FER: variants seen among roughly 807,000 people sequenced by gnomAD.
FER encodes FER tyrosine kinase, also known as tyrosine-protein kinase Fer.
A neutral mutation model predicts 111.0 loss-of-function variants in FER; 63 were observed. That is an observed-to-expected ratio of 0.57 (90% CI 0.46 to 0.70). FER has a LOEUF of 0.70. FER is among the 30% of genes least tolerant of loss of function. The probability of loss-of-function intolerance (pLI) is 0.00; values close to 1 mark genes in which losing one functional copy is unlikely to be tolerated. For synonymous variants in FER, 327 were observed against 313.9 expected, an observed-to-expected ratio of 1.04 and a Z score of -0.44; for missense variants, 914 against 954.0, an observed-to-expected ratio of 0.96 and a Z score of 0.55.
At chr5:109,033,907 GAT>G (rs931140905) in intron 13 of FER, among the ~76,000 whole-genome samples, 55 of 152,088 alleles carry the variant, frequency 3.6e-4, no homozygotes, top group African/African-American at 1.2e-3. Flanking sequence ...GTGATGTTTT[GAT>G]ATATGTATAT....
At chr5:109,165,861 T>A (rs2126769022) in intron 17 of FER, among the ~76,000 whole-genome samples, 1 of 152,268 alleles carries the variant, frequency 6.6e-6, no homozygotes, top group South Asian at 2.1e-4. Context: ...AAAGGCAATT[T>A]GTGTGCAGCC....
rs1759774189 is a variant in FER at position 109,196,775 on chromosome 5, A to G, written c.*9200A>G. ...TCTTTTCTTTTCCAATAGACCAGTT[A>G]CCACTCATGTGTCTGCAGAACCTCT... On this transcript the variant is annotated 3_prime_UTR_variant, in exon 20 of 20. Transcript: ENST00000281092. 6.6e-6 allele frequency: 1 copy of G among 152,170 alleles called. No homozygotes were observed. The highest frequency in any genetic ancestry group is 1.5e-5 in the Non-Finnish European group (1 of 68,024). The allele number at this position is 152,170 out of a possible 1,614,324, so 9.4% of individuals were successfully genotyped here.
At chr5:108,794,710 A>G (rs1755817302) in intron 2 of FER, among the ~76,000 whole-genome samples, 1 of 151,546 alleles carries the variant, frequency 6.6e-6, no homozygotes, top group Non-Finnish European at 1.5e-5. Context: ...ATTTCATGCC[A>G]CTCTCTCCTG....
chr5:108,869,201 G>A (rs1485969818), intron 6 of FER, among the ~76,000 whole-genome samples: 1 of 152,106 alleles, frequency 6.6e-6, no homozygotes, highest in Non-Finnish European at 1.5e-5. Flanking sequence ...ACTTTCATGT[G>A]CATTTGCTTA....
At chr5:108,970,687 T>G (rs1269051725) in intron 13 of FER, among the ~76,000 whole-genome samples, 1 of 152,066 alleles carries the variant, frequency 6.6e-6, no homozygotes, top group African/African-American at 2.4e-5. Flanking sequence ...GGGAATGGTT[T>G]AAAAAGGAAA....
At chr5:109,142,589 G>C (rs1334950231) in intron 17 of FER, among the ~76,000 whole-genome samples, 2 of 152,136 alleles carry the variant, frequency 1.3e-5, no homozygotes. Flanking sequence ...GACAGACTCT[G>C]TGCTAGGTAC....
At chr5:108,909,924 A>G (rs1336507046) in intron 10 of FER, among the ~76,000 whole-genome samples, 2 of 151,820 alleles carry the variant, frequency 1.3e-5, no homozygotes, top group African/African-American at 4.8e-5. Flanking sequence ...ATACTCAAAT[A>G]TTTTTAAAAA....
At chr5:109,030,356 C>G (rs1253523013) in intron 13 of FER, among the ~76,000 whole-genome samples, 1 of 152,012 alleles carries the variant, frequency 6.6e-6, no homozygotes, top group African/African-American at 2.4e-5. Context: ...TTTCTTGGCT[C>G]TTGATATGAT....
chr5:108,834,860 G>A (rs1399174856), intron 4 of FER, among the ~76,000 whole-genome samples: 3 of 152,010 alleles, frequency 2.0e-5, no homozygotes, highest in Non-Finnish European at 2.9e-5. Context: ...CAAGAACATT[G>A]GTGATACAGA....
At chr5:109,163,955 C>G (rs1356940479) in intron 17 of FER, among the ~76,000 whole-genome samples, 1 of 152,082 alleles carries the variant, frequency 6.6e-6, no homozygotes, top group East Asian at 1.9e-4. Context: ...TGAAAACATT[C>G]AGAAAATAAA....
chr5:109,127,995 T>C (rs1751931005), intron 17 of FER, among the ~76,000 whole-genome samples: 1 of 152,170 alleles, frequency 6.6e-6, no homozygotes, highest in African/African-American at 2.4e-5. Flanking sequence ...TTTATCCATA[T>C]TTGATTTTAA....
chr5:109,001,676 A>C (rs1764795314), intron 13 of FER, among the ~76,000 whole-genome samples: 1 of 152,234 alleles, frequency 6.6e-6, no homozygotes, highest in Non-Finnish European at 1.5e-5. Flanking sequence ...TTCAATTAGG[A>C]AAAGAGGAAG....
chr5:109,187,562 G>C lies in FER; in HGVS notation c.2456G>C (p.Arg819Thr). The change falls in exon 20 of 20, where the codon AGA becomes ACA. Residue 819 changes from arginine to threonine, a missense_variant. Physicochemically the swap from Arg to Thr is moderately conservative, Grantham distance 71 (BLOSUM62 -1). Coordinates refer to ENST00000281092, the MANE Select transcript of FER (RefSeq NM_005246.4). ...CAGAAAGAGCTCACTATCATCAAGA[G>C]AAAACTCACATAGTGACAGGATGGC... Reference protein sequence around the residue: ...ELQKELTIIKRKLT With the variant: ...ELQKELTIIKTKLT 6.2e-7 allele frequency: 1 copy of C among 1,614,052 alleles called. No individual in the cohort carries two copies. Among genetic ancestry groups the C allele is most frequent in the Admixed American group, 1.7e-5 (1 of 59,996 alleles).
At position 108,922,327 on chromosome 5, in the gene FER, T is replaced by C. The variant is rs371408125; in HGVS notation, c.1237-23803T>C. Among the ~76,000 whole-genome samples, 18 of 152,166 alleles carry C rather than the reference T, an allele frequency of 1.2e-4. 1 individual carries two copies. The East Asian group carries it at 1.5e-3, about 13-fold the overall frequency. ...ACATCTGTTGTGATTATTGTCTTTA[T>C]AAATGATCTGAAAGAGGAGGGTCTT... On this transcript the variant is annotated intron_variant, in intron 10 of 19. Coordinates refer to ENST00000281092, the MANE Select transcript of FER (RefSeq NM_005246.4).
chr5:109,145,979 A>C (rs1292443807), intron 17 of FER, among the ~76,000 whole-genome samples: 1 of 151,398 alleles, frequency 6.6e-6, no homozygotes, highest in Non-Finnish European at 1.5e-5. Context: ...ATAGAGATAG[A>C]AACTTAGGTG....
chr5:109,044,717 A>C lies in FER; in HGVS notation c.1751A>C (p.Asp584Ala). 1.3e-6 allele frequency: 2 copies of C among 1,588,800 alleles called. No individual in the cohort carries two copies. Among genetic ancestry groups the C allele is most frequent in the East Asian group, 4.5e-5 (2 of 44,154 alleles). Reference sequence around the variant, plus strand: ...GAAGTATATAAGGGCACATTAAAGGATAAAACTTCTGTTGCTGTTAAAACA... The same window carrying C: ...GAAGTATATAAGGGCACATTAAAGGCTAAAACTTCTGTTGCTGTTAAAACA... Reference protein sequence around the residue: ...FGEVYKGTLKDKTSVAVKTCK... With the variant: ...FGEVYKGTLKAKTSVAVKTCK... The change falls in exon 15 of 20, where the codon GAT (aspartate) becomes GCT (alanine). Residue 584 changes from aspartate (D) to alanine (A), a missense_variant. Asp to Ala is a moderately radical substitution (Grantham distance 126). Transcript: ENST00000281092.
chr5:109,133,413 C>T (rs1752571116), intron 17 of FER, among the ~76,000 whole-genome samples: 1 of 152,084 alleles, frequency 6.6e-6, no homozygotes, highest in African/African-American at 2.4e-5. Flanking sequence ...TATTTCAGGA[C>T]TTATTTCTAA....
intron 5 of FER, among the ~76,000 whole-genome samples, chr5:108,845,067 T>TATATACATATATATATATATATATATAC (rs1486282738): frequency 1.9e-5 from 1 of 53,856 alleles, no homozygotes; most frequent in Non-Finnish European, 3.5e-5. Flanking sequence ...TATATATATA[T>TATATACATATATATATATATATATATAC]ACACACACAC....
chr5:109,186,816 C>T lies in FER; in HGVS notation c.2326+494C>T, dbSNP rs572251919. Among the ~76,000 whole-genome samples the T allele has an allele frequency of 6.6e-5, 10 of 152,236 alleles. No individual in the cohort carries two copies. In the South Asian group the frequency reaches 8.3e-4, roughly 13 times the overall value. ...CATGCACTTGTGTAGCATACAGTCT[C>T]GACAAAAAGAAAGCTCGTGATAAAA... On this transcript the variant is annotated intron_variant, in intron 19 of 19. Coordinates refer to ENST00000281092, the MANE Select transcript of FER (RefSeq NM_005246.4).
Sources: gnomAD v4.1 joint callset for allele counts (sites outside exome capture counted in the v4.1 genomes callset) on GRCh38, gnomAD v4.1.1 for gene constraint, MANE v1.5 for transcripts, NCBI Gene and HGNC (gene_info 2026-07-23, HGNC 2026-07-21) for gene names.